Variants in NIBAN1 observed in about 807,000 individuals in gnomAD.
NIBAN1 encodes the protein niban apoptosis regulator 1.
A neutral mutation model predicts 75.1 loss-of-function variants in NIBAN1; 81 were observed. That is an observed-to-expected ratio of 1.08 (90% CI 0.90 to 1.30). The LOEUF (loss-of-function observed/expected upper bound fraction) is 1.30. Ranked by LOEUF, NIBAN1 falls within the 50% of genes most tolerant of loss-of-function variation. NIBAN1 has a pLI of 0.00. For synonymous variants in NIBAN1, 436 were observed against 424.8 expected (o/e 1.03, Z -0.32); for missense variants, 1,133 against 1,128.1 (o/e 1.00, Z -0.06).
chr1:184,812,967 AT>A (rs1298624403), intron 9 of NIBAN1, among the ~76,000 whole-genome samples: 1 of 152,226 alleles, frequency 6.6e-6, no homozygotes, highest in Non-Finnish European at 1.5e-5. Context: ...AACATCAGTC[AT>A]TTGGCCTGGC....
chr1:184,851,999 G>A (rs1205072619), intron 5 of NIBAN1, among the ~76,000 whole-genome samples: 1 of 152,080 alleles, frequency 6.6e-6, no homozygotes, highest in Non-Finnish European at 1.5e-5. Flanking sequence ...CCCACCACGC[G>A]GGGTCCAATC....
At chr1:184,834,704 GT>G (rs1655092064) in intron 5 of NIBAN1, among the ~76,000 whole-genome samples, 1 of 151,790 alleles carries the variant, frequency 6.6e-6, no homozygotes, top group Admixed American at 6.6e-5. Context: ...TGATGGGGTT[GT>G]TTTTTTTCTT....
chr1:184,943,247 C>CA (rs1658139853), intron 1 of NIBAN1, among the ~76,000 whole-genome samples: 1 of 152,188 alleles, frequency 6.6e-6, no homozygotes, highest in Non-Finnish European at 1.5e-5. Flanking sequence ...GAATGAGTTC[C>CA]ATGAGAAGCC....
chr1:184,925,449 G>T (rs904928772), intron 1 of NIBAN1, among the ~76,000 whole-genome samples: 2 of 151,872 alleles, frequency 1.3e-5, no homozygotes, highest in African/African-American at 4.8e-5. Context: ...CTGCTATTTT[G>T]TTATTAGTTT....
At chr1:184,822,706 T>C (rs1453509746) in intron 8 of NIBAN1, among the ~76,000 whole-genome samples, 3 of 152,232 alleles carry the variant, frequency 2.0e-5, no homozygotes, top group Non-Finnish European at 4.4e-5. Context: ...GCCAAAATTT[T>C]GGGCTTTCAT....
chr1:184,800,210 T>A (rs1177041438), intron 12 of NIBAN1, among the ~76,000 whole-genome samples: 3 of 150,490 alleles, frequency 2.0e-5, no homozygotes, highest in South Asian at 2.1e-4. Flanking sequence ...TTTGATGGGG[T>A]TGTTTGTTTT....
At position 184,967,219 on chromosome 1, in the gene NIBAN1, C is replaced by CTCTG. The variant is rs943604211; in HGVS notation, c.55+7082_55+7083insCAGA. ...TCTTTCCCTCCCTCTCTCTCTCTCT[C>CTCTG]TGTGTGTGTGTGTGTGTGTGTGTGT... On this transcript the variant is annotated intron_variant, in intron 1 of 13. Coordinates refer to ENST00000367511, the MANE Select transcript of NIBAN1 (RefSeq NM_052966.4). Among the ~76,000 whole-genome samples the CTCTG allele has an allele frequency of 2.1e-3, 312 of 151,236 alleles. 1 individual carries two copies. The highest frequency in any genetic ancestry group is 7.2e-3 in the African/African-American group (297 of 41,188).
chr1:184,845,738 A>G lies in NIBAN1; in HGVS notation c.602-13776T>C, dbSNP rs545882186. Among the ~76,000 whole-genome samples the G allele has an allele frequency of 1.0e-4, 9 of 88,968 alleles. 2 individuals carry two copies. In the East Asian group the frequency reaches 2.0e-3, roughly 20 times the overall value. The allele number at this position is 88,968 out of a possible 152,430, so 58.4% of individuals were successfully genotyped here. On this transcript the variant is annotated intron_variant, in intron 5 of 13. Transcript: ENST00000367511. ...CGGGTTCATCTCACTAGGGAGTGCCAGACAGTGGGCGCAGGCCAGTGTGTG... is the reference window on the plus strand; with the variant it reads ...CGGGTTCATCTCACTAGGGAGTGCCGGACAGTGGGCGCAGGCCAGTGTGTG...
chr1:184,829,341 C>G (rs1477194685), intron 6 of NIBAN1, among the ~76,000 whole-genome samples: 1 of 152,100 alleles, frequency 6.6e-6, no homozygotes, highest in Admixed American at 6.6e-5. Context: ...CTCGCCTCAC[C>G]ATGATGGCAA....
chr1:184,855,357 A>G (rs571084045), intron 5 of NIBAN1, among the ~76,000 whole-genome samples: 1 of 152,318 alleles, frequency 6.6e-6, no homozygotes, highest in South Asian at 2.1e-4. Context: ...ATAACATTGA[A>G]AAATCACTAT....
chr1:184,964,189 C>T (rs1658719855), intron 1 of NIBAN1, among the ~76,000 whole-genome samples: 2 of 152,084 alleles, frequency 1.3e-5, no homozygotes, highest in Non-Finnish European at 1.5e-5. Flanking sequence ...TGAGTGACTG[C>T]TGAGGAGTGG....
At chr1:184,830,857 A>G (rs1654979020) in intron 6 of NIBAN1, among the ~76,000 whole-genome samples, 1 of 151,996 alleles carries the variant, frequency 6.6e-6, no homozygotes, top group Admixed American at 6.6e-5. Context: ...AAAAGTTAGC[A>G]GGAGTGGTGG....
At chr1:184,821,405 T>G (rs1039170480) in intron 8 of NIBAN1, 3 of 152,212 alleles carry the variant, frequency 2.0e-5, no homozygotes, top group African/African-American at 7.2e-5. Flanking sequence ...TTCTGATATT[T>G]CATTTTATTT....
Position 184,806,020 on chromosome 1 carries a change from G to A in NIBAN1, c.1372C>T (p.Leu458Phe), listed in dbSNP as rs1257415620. 20 of 1,614,034 alleles carry A rather than the reference G, an allele frequency of 1.2e-5. No homozygotes were observed. The highest frequency in any genetic ancestry group is 1.6e-5 in the Non-Finnish European group (19 of 1,180,040). ...ENAVFTFEQL[L>F]SPHLQGEASK... ...GCCTCTCCTTGGAGATGTGGGGAAA[G>A]CAACTGCTCAAAAGTGAACACTGCA... is the stretch of plus-strand genomic sequence containing the variant. The change falls in exon 11 of 14, where the codon CTT (leucine) becomes TTT (phenylalanine). Residue 458 changes from leucine (L) to phenylalanine (F), a missense_variant. Transcript: ENST00000367511.
intron 1 of NIBAN1, among the ~76,000 whole-genome samples, chr1:184,940,936 G>A (rs1386840890): frequency 2.0e-5 from 3 of 152,182 alleles, no homozygotes; most frequent in South Asian, 2.1e-4. Context: ...CGGGTTAAGC[G>A]GGCAATGTGC....
At chr1:184,876,496 G>A (rs919799256) in intron 5 of NIBAN1, among the ~76,000 whole-genome samples, 3 of 151,984 alleles carry the variant, frequency 2.0e-5, no homozygotes, top group Non-Finnish European at 4.4e-5. Flanking sequence ...TCAGGAGTTC[G>A]AGACCAGCCC....
chr1:184,855,401 T>C (rs896097710), intron 5 of NIBAN1, among the ~76,000 whole-genome samples: 1 of 152,184 alleles, frequency 6.6e-6, no homozygotes, highest in African/African-American at 2.4e-5. Context: ...TCAAGCTGAA[T>C]GATACAATTA....
intron 5 of NIBAN1, among the ~76,000 whole-genome samples, chr1:184,880,158 G>A (rs549715393): frequency 1.5e-3 from 225 of 152,302 alleles, no homozygotes; most frequent in African/African-American, 5.1e-3. Flanking sequence ...CATTCATCCA[G>A]TGATGGCTGC....
intron 5 of NIBAN1, among the ~76,000 whole-genome samples, chr1:184,858,962 A>G (rs1194725769): frequency 6.6e-6 from 1 of 152,138 alleles, no homozygotes; most frequent in Non-Finnish European, 1.5e-5. Context: ...AAAAAAACAA[A>G]AAACAAAAAA....
Sources: allele counts gnomAD v4.1 joint callset (sites outside exome capture counted in the v4.1 genomes callset), GRCh38; gene constraint gnomAD v4.1.1; transcripts MANE v1.5; gene names NCBI Gene and HGNC (gene_info 2026-07-23, HGNC 2026-07-21).